Variants in NELL2 observed in about 807,000 individuals in gnomAD.
The protein encoded by NELL2 is protein kinase C-binding protein NELL2.
NELL2 carries 41 observed loss-of-function variants against 109.6 expected under a neutral mutation model. The ratio of observed to expected loss-of-function variants is 0.37; its 90% CI spans 0.29 to 0.49. NELL2 has a LOEUF of 0.49. NELL2 is among the 20% of genes least tolerant of loss of function. The pLI is 0.98. For synonymous variants in NELL2, 355 were observed against 344.7 expected (o/e 1.03, Z -0.33); for missense variants, 900 against 1,008.3 (o/e 0.89, Z 1.45).
intron 12 of NELL2, among the ~76,000 whole-genome samples, chr12:44,701,042 A>G (rs947338727): frequency 6.6e-6 from 1 of 152,120 alleles, no homozygotes; most frequent in Non-Finnish European, 1.5e-5. Flanking sequence ...ATTTTTATGT[A>G]TAATCACAAG....
At chr12:44,518,804 A>T (rs1405641053) in intron 19 of NELL2, among the ~76,000 whole-genome samples, 1 of 152,222 alleles carries the variant, frequency 6.6e-6, no homozygotes, top group East Asian at 1.9e-4. Context: ...GATATGCACT[A>T]TTAAGTATAC....
At chr12:44,721,315 C>T (rs1356066879) in intron 9 of NELL2, among the ~76,000 whole-genome samples, 1 of 152,056 alleles carries the variant, frequency 6.6e-6, no homozygotes, top group Non-Finnish European at 1.5e-5. Flanking sequence ...TTCATTTAGT[C>T]CTCTGACAAT....
intron 12 of NELL2, among the ~76,000 whole-genome samples, chr12:44,685,073 C>G (rs1022627660): frequency 2.0e-5 from 3 of 151,962 alleles, no homozygotes; most frequent in South Asian, 2.1e-4. Flanking sequence ...GTAGGTCACT[C>G]AGGACTTGCT....
At chr12:44,813,089 C>A (rs1943230965) in intron 3 of NELL2, among the ~76,000 whole-genome samples, 1 of 152,038 alleles carries the variant, frequency 6.6e-6, no homozygotes, top group South Asian at 2.1e-4. Flanking sequence ...CAGAGGGGGA[C>A]AATTGAAGTA....
intron 11 of NELL2, 61 bp downstream of exon 11, chr12:44,711,231 G>C: frequency 1.7e-6 from 2 of 1,199,132 alleles, no homozygotes; most frequent in Non-Finnish European, 2.5e-6. Context: ...CTTCATGTCA[G>C]TTGTACTAGC....
rs575242756 is a variant in NELL2 at position 44,807,366 on chromosome 12, C to A, written c.335+8620G>T. ...ACACACACACACACACGCATGCATG[C>A]AGAAAGAATTCTGGACCAATGACTC... is the stretch of plus-strand genomic sequence containing the variant. On this transcript the variant is annotated intron_variant, in intron 3 of 19. Transcript: ENST00000429094. Among the ~76,000 whole-genome samples the A allele has an allele frequency of 3.2e-3, 479 of 150,782 alleles. 3 individuals are homozygous for A. The highest frequency in any genetic ancestry group is 2.9e-3 in the Non-Finnish European group (198 of 67,544).
At chr12:44,889,463 T>C (rs1287823461) in intron 1 of NELL2, among the ~76,000 whole-genome samples, 3 of 152,032 alleles carry the variant, frequency 2.0e-5, no homozygotes, top group Non-Finnish European at 2.9e-5. Flanking sequence ...GGCTGCTTTT[T>C]CAATACACTA....
chr12:44,759,541 C>A (rs1711597207), intron 9 of NELL2, among the ~76,000 whole-genome samples: 1 of 152,164 alleles, frequency 6.6e-6, no homozygotes. Flanking sequence ...CACCAGCTAA[C>A]TAACAGATAT....
At chr12:44,712,663 A>C (rs1938268070) in intron 10 of NELL2, among the ~76,000 whole-genome samples, 1 of 151,984 alleles carries the variant, frequency 6.6e-6, no homozygotes, top group African/African-American at 2.4e-5. Flanking sequence ...AAAGTGAAGA[A>C]TTTAGTACAA....
intron 15 of NELL2, among the ~76,000 whole-genome samples, chr12:44,540,306 T>C (rs1247158823): frequency 6.6e-6 from 1 of 152,146 alleles, no homozygotes; most frequent in Non-Finnish European, 1.5e-5. Context: ...GAAAGTATAA[T>C]ACATTTTTGT....
chr12:44,763,458 C>T (rs1941206603), intron 9 of NELL2, among the ~76,000 whole-genome samples: 1 of 152,086 alleles, frequency 6.6e-6, no homozygotes, highest in South Asian at 2.1e-4. Context: ...AAGGATTAGC[C>T]TCCTAAATCT....
intron 15 of NELL2, among the ~76,000 whole-genome samples, chr12:44,587,917 C>T (rs909417316): frequency 1.3e-5 from 2 of 152,004 alleles, no homozygotes; most frequent in African/African-American, 2.4e-5. Context: ...TTTGGGAGGC[C>T]AAGGCGGGCG....
At chr12:44,530,165 GTATATAGAAATAAATGAGCAGA>G in intron 16 of NELL2, among the ~76,000 whole-genome samples, 1 of 152,270 alleles carries the variant, frequency 6.6e-6, no homozygotes, top group South Asian at 2.1e-4. Flanking sequence ...AAAGCAGCAG[GTATATAGAAATAAATGAGCAGA>G]TATATAGAAA....
At chr12:44,530,055 A>C (rs1363503593) in intron 16 of NELL2, among the ~76,000 whole-genome samples, 2 of 152,218 alleles carry the variant, frequency 1.3e-5, no homozygotes, top group Non-Finnish European at 2.9e-5. Context: ...TATGGGCAGA[A>C]TCCTTAAATA....
chr12:44,519,957 T>C (rs1473756035), intron 19 of NELL2, 48 bp downstream of exon 19: 2 of 1,509,938 alleles, frequency 1.3e-6, no homozygotes, highest in African/African-American at 1.4e-5. Context: ...CTATGAGCCC[T>C]GGGTGCAGCT....
At chr12:44,667,923 T>C (rs1947986142) in intron 12 of NELL2, among the ~76,000 whole-genome samples, 1 of 152,146 alleles carries the variant, frequency 6.6e-6, no homozygotes, top group Non-Finnish European at 1.5e-5. Flanking sequence ...GGAAACTGCC[T>C]AGAATCCATA....
At chr12:44,917,584 C>T (rs890014739), upstream of NELL2, among the ~76,000 whole-genome samples, 2 of 152,096 alleles carry the variant, frequency 1.3e-5, no homozygotes, top group East Asian at 1.9e-4. Flanking sequence ...TCCCATTGAA[C>T]GTATGTGAGG....
intron 13 of NELL2, among the ~76,000 whole-genome samples, chr12:44,664,997 A>G (rs1317447257): frequency 6.6e-6 from 1 of 152,162 alleles, no homozygotes; most frequent in Non-Finnish European, 1.5e-5. Flanking sequence ...ATTTCATACA[A>G]CAAAAATATA....
At chr12:44,555,140 G>A (rs1943197257) in intron 15 of NELL2, among the ~76,000 whole-genome samples, 1 of 152,154 alleles carries the variant, frequency 6.6e-6, no homozygotes, top group African/African-American at 2.4e-5. Flanking sequence ...GAACTGGTTG[G>A]GGTTCAGGTG....
Sources: allele counts gnomAD v4.1 joint callset (sites outside exome capture counted in the v4.1 genomes callset), GRCh38; gene constraint gnomAD v4.1.1; transcripts MANE v1.5; gene names NCBI Gene and HGNC (gene_info 2026-07-23, HGNC 2026-07-21).